VWF: variants seen among roughly 807,000 people sequenced by gnomAD.
VWF encodes the protein Factor VIII related antigen.
Under a neutral mutation model 308.6 loss-of-function variants are expected in VWF, and 176 were observed. The ratio of observed to expected loss-of-function variants is 0.57; its 90% CI spans 0.50 to 0.65. VWF has a LOEUF of 0.65. Ranked by LOEUF, VWF falls within the 30% of genes least tolerant of loss-of-function variation. VWF has a pLI of 0.00. For missense variants in VWF, 3,146 were observed against 3,648.2 expected, an observed-to-expected ratio of 0.86 and a Z score of 3.55; for synonymous variants, 1,385 against 1,443.4, an observed-to-expected ratio of 0.96 and a Z score of 0.92.
intron 18 of VWF, among the ~76,000 whole-genome samples, chr12:6,041,455 AT>A (rs750836419): frequency 5.7e-4 from 85 of 149,158 alleles, no homozygotes; most frequent in Middle Eastern, 3.6e-3. Context: ...AAAAAAAGAA[AT>A]TTTTTTTTTT....
intron 34 of VWF, among the ~76,000 whole-genome samples, chr12:5,997,634 G>C (rs1254846777): frequency 1.3e-5 from 2 of 152,192 alleles, no homozygotes; most frequent in Admixed American, 1.3e-4. Context: ...CTACCTAATA[G>C]TGCATGACTC....
chr12:6,029,630 C>A, intron 21 of VWF, 142 bp from the exon 22 acceptor site: 1 of 1,078,922 alleles, frequency 9.3e-7, no homozygotes, highest in Non-Finnish European at 1.4e-6. Context: ...CCACCTGCCA[C>A]TGCACCCCTG....
Position 5,967,618 on chromosome 12 carries a change from C to T in VWF, c.7771-16G>A. On this transcript the variant is annotated splice_polypyrimidine_tract_variant and intron_variant, in intron 46 of 51. Transcript: ENST00000261405. ...TCTTCCCGGGCTGGAAGCAGAGGCA[C>T]CAGGGTCAGGCCCCCCAGCATCCCC... The T allele has an allele frequency of 6.2e-7, 1 of 1,610,924 alleles. No homozygotes were observed.
In VWF at chr12:6,061,188, GA is replaced by G. The variant is rs1944650783; in HGVS notation, c.1533+1765del. ...TGCCCTCCAGCCTGGGCAACAGAGTGAGACCCTCTCTCAAAAAACAAAACAA... is the reference window on the plus strand; with the variant it reads ...TGCCCTCCAGCCTGGGCAACAGAGTGGACCCTCTCTCAAAAAACAAAACAA... On this transcript the variant is annotated intron_variant, in intron 13 of 51. Coordinates refer to ENST00000261405, the MANE Select transcript of VWF (RefSeq NM_000552.5). Among the ~76,000 whole-genome samples the G allele has an allele frequency of 2.0e-5, 3 of 152,222 alleles. No homozygotes were observed. The South Asian group carries it at 6.2e-4, about 32-fold the overall frequency.
Position 5,996,209 on chromosome 12 carries a change from G to T in VWF, c.5856C>A (p.Gly1952=). The T allele has an allele frequency of 1.2e-6, 2 of 1,612,648 alleles. No individual in the cohort carries two copies. Among genetic ancestry groups the T allele is most frequent in the South Asian group, 1.1e-5 (1 of 90,800 alleles). ...CRWTCPCVCT[G]SSTRHIVTFD... ...AGGTCACGATGTGCCGAGTGGAGCT[G>T]CCTGTGCACACGCCTGGACAGAGAG... Residue 1952 remains glycine (G), a synonymous_variant, in exon 35 of 52, where the codon GGC becomes GGA. Transcript: ENST00000261405.
At chr12:5,974,680 G>A (rs1943513102) in intron 43 of VWF, among the ~76,000 whole-genome samples, 1 of 152,240 alleles carries the variant, frequency 6.6e-6, no homozygotes, top group Non-Finnish European at 1.5e-5. Context: ...TAACAAAGCT[G>A]TGTGTAAACA....
At chr12:5,957,260 C>T (rs1181178545) in intron 47 of VWF, among the ~76,000 whole-genome samples, 3 of 152,088 alleles carry the variant, frequency 2.0e-5, no homozygotes, top group Admixed American at 6.6e-5. Flanking sequence ...AATCACCTAA[C>T]GATGCATTTC....
At chr12:6,056,825 C>G in intron 15 of VWF, 32 bp downstream of exon 15, 1 of 1,356,326 alleles carries the variant, frequency 7.4e-7, no homozygotes, top group South Asian at 1.8e-5. Flanking sequence ...TGGGGGGCGG[C>G]CCGGAGGGCT....
In VWF at chr12:6,034,283, G is replaced by C. The variant is rs372514057; in HGVS notation, c.2685+405C>G. 1.2e-4 allele frequency among the ~76,000 whole-genome samples: 19 copies of C among 152,338 alleles called. 1 individual carries two copies. Among genetic ancestry groups the C allele is most frequent in the East Asian group, 5.8e-4 (3 of 5,184 alleles). The stretch of plus-strand genomic sequence containing the variant: ...AGACTGTGCACTGCCCAGGGTGCTG[G>C]AAGGGAGGCTGAGCGGGACTGACTT... On this transcript the variant is annotated intron_variant, in intron 20 of 51. Transcript: ENST00000261405.
At chr12:6,095,741 G>T in intron 5 of VWF, 157 bp from the exon 6 acceptor site, 2 of 987,538 alleles carry the variant, frequency 2.0e-6, no homozygotes, top group South Asian at 1.4e-5. Flanking sequence ...GAGTGCAGCG[G>T]CTATTCACAA....
At chr12:5,963,694 G>A (rs1441065220) in intron 47 of VWF, among the ~76,000 whole-genome samples, 1 of 152,126 alleles carries the variant, frequency 6.6e-6, no homozygotes, top group Non-Finnish European at 1.5e-5. Context: ...TTTCGTTTTT[G>A]AGACAAGGTC....
At chr12:5,983,969 TA>T (rs1420625125) in intron 40 of VWF, among the ~76,000 whole-genome samples, 1 of 134,080 alleles carries the variant, frequency 7.5e-6, no homozygotes, top group African/African-American at 2.8e-5. Context: ...GATGGATGGA[TA>T]GATGGATAGA....
chr12:5,969,240 G>T lies in VWF; in HGVS notation c.7700C>A (p.Thr2567Asn). 1 of 1,614,066 alleles carries T rather than the reference G, an allele frequency of 6.2e-7. No homozygotes were observed. The highest frequency in any genetic ancestry group is 2.2e-5 in the East Asian group (1 of 44,878). Residue 2567 changes from threonine (T) to asparagine (N), a missense_variant, in exon 45 of 52, where the codon ACC (threonine) becomes AAC (asparagine). This residue lies in a region of VWF where 989 missense variants were observed against 1,117.4 expected (regional missense o/e 0.89). Transcript: ENST00000261405. The part of the protein sequence containing the change: ...CPSGFQLSCK[T>N]SACCPSCRCE... The stretch of plus-strand genomic sequence containing the variant: ...GCGACAGCTTGGGCAGCACGCTGAG[G>T]TCTTACAGCTCAGCTGAAAGCCCGA...
intron 5 of VWF, among the ~76,000 whole-genome samples, chr12:6,102,884 A>G (rs1208879468): frequency 6.6e-6 from 1 of 152,252 alleles, no homozygotes; most frequent in African/African-American, 2.4e-5. Flanking sequence ...AGAAAATGCA[A>G]TCTTAAAATT....
intron 51 of VWF, 29 bp from the exon 52 acceptor site, chr12:5,949,232 T>C (rs982814575): frequency 1.1e-5 from 17 of 1,609,486 alleles, no homozygotes; most frequent in Non-Finnish European, 1.4e-5. Flanking sequence ...AGATGGGAGC[T>C]TCACAATGGT....
chr12:6,059,764 C>T (rs554521567), intron 13 of VWF, among the ~76,000 whole-genome samples: 1 of 152,310 alleles, frequency 6.6e-6, no homozygotes, highest in South Asian at 2.1e-4. Context: ...CAGTCCACAG[C>T]AGTGCCAGCA....
intron 31 of VWF, among the ~76,000 whole-genome samples, chr12:6,014,022 C>T (rs1430908287): frequency 6.6e-6 from 1 of 151,984 alleles, no homozygotes; most frequent in Non-Finnish European, 1.5e-5. Context: ...TGTGGGTTAT[C>T]GTTGCATATA....
intron 15 of VWF, among the ~76,000 whole-genome samples, chr12:6,054,806 T>G (rs1441655111): frequency 1.3e-5 from 2 of 152,222 alleles, no homozygotes; most frequent in Non-Finnish European, 2.9e-5. Flanking sequence ...ACGAATAGAT[T>G]CACTGGTTTA....
chr12:6,003,620 A>T (rs1037430698), intron 34 of VWF, among the ~76,000 whole-genome samples: 1 of 152,134 alleles, frequency 6.6e-6, no homozygotes, highest in Non-Finnish European at 1.5e-5. Flanking sequence ...GCATAATTCC[A>T]CTCAAAAGAG....
Sources: allele counts gnomAD v4.1 joint callset (sites outside exome capture counted in the v4.1 genomes callset), GRCh38; gene constraint gnomAD v4.1.1; regional missense constraint gnomAD v4.1.1; transcripts MANE v1.5; gene names NCBI Gene and HGNC (gene_info 2026-07-23, HGNC 2026-07-21).